The following PAM variants were observed in gnomAD, a reference collection of about 807,000 sequenced individuals.
PAM encodes the protein peptidyl-glycine alpha-amidating monooxygenase.
PAM carries 72 observed loss-of-function variants against 122.1 expected under a neutral mutation model. That is an observed-to-expected ratio of 0.59 (90% CI 0.49 to 0.72). The LOEUF is 0.72. Ranked by LOEUF, PAM falls within the 30% of genes least tolerant of loss-of-function variation. The probability of loss-of-function intolerance (pLI) is 0.00; values close to 1 mark genes in which losing one functional copy is unlikely to be tolerated. For synonymous variants in PAM, 389 were observed against 404.4 expected, an observed-to-expected ratio of 0.96 and a Z score of 0.46; for missense variants, 1,106 against 1,183.7, an observed-to-expected ratio of 0.93 and a Z score of 0.96.
Position 102,867,293 on chromosome 5 carries a change from C to T in PAM, c.110C>T (p.Pro37Leu). ...VFKRFKETTR[P>L]FSNECLGTTR... ...TTAAGGTTTAAAGAAACTACCAGAC[C>T]ATTTTCCAATGAATGTCTTGGTACC... Residue 37 changes from proline to leucine, a missense_variant, in exon 3 of 26, where the codon CCA becomes CTA. Coordinates refer to ENST00000438793, the MANE Select transcript of PAM (RefSeq NM_001177306.2). 3.1e-6 allele frequency: 5 copies of T among 1,603,030 alleles called. No individual in the cohort carries two copies. The highest frequency in any genetic ancestry group is 4.3e-6 in the Non-Finnish European group (5 of 1,170,402).
intron 3 of PAM, chr5:102,873,865 T>A (rs914478653): frequency 4.6e-5 from 7 of 152,014 alleles, no homozygotes; most frequent in African/African-American, 1.4e-4. Context: ...TTTTCTTCTA[T>A]TTTTTTTCTC....
chr5:102,925,081 C>A (rs1748963653), intron 6 of PAM, 39 bp downstream of exon 6: 1 of 974,330 alleles, frequency 1.0e-6, no homozygotes, highest in East Asian at 2.4e-5. Flanking sequence ...TGTTCAGCTG[C>A]TTAATTTCTG....
At chr5:102,771,202 A>C (rs1001439672) in intron 1 of PAM, among the ~76,000 whole-genome samples, 4 of 152,074 alleles carry the variant, frequency 2.6e-5, no homozygotes, top group African/African-American at 9.7e-5. Context: ...GTAAATTTAA[A>C]ACCTTTATTT....
chr5:102,840,729 A>G (rs1475076661), intron 1 of PAM, among the ~76,000 whole-genome samples: 1 of 152,188 alleles, frequency 6.6e-6, no homozygotes, highest in Admixed American at 6.5e-5. Context: ...TCATGGTCCA[A>G]TACAGCTGTT....
intron 13 of PAM, 93 bp from the exon 14 acceptor site, chr5:102,961,065 G>A: frequency 2.9e-6 from 2 of 684,870 alleles, no homozygotes; most frequent in East Asian, 2.7e-5. Flanking sequence ...ACCCTGAATA[G>A]TATTTTTATG....
intron 3 of PAM, among the ~76,000 whole-genome samples, chr5:102,882,055 ATATATATATATATATATATATATATATAT>A: frequency 4.9e-4 from 1 of 2,060 alleles, no homozygotes; most frequent in African/African-American, 2.9e-3. Flanking sequence ...ATCGTGGAAT[ATATATATATATATATATATATATATATAT>A]ATATATATAT....
intron 1 of PAM, among the ~76,000 whole-genome samples, chr5:102,806,029 G>T (rs916420970): frequency 6.6e-6 from 1 of 152,084 alleles, no homozygotes; most frequent in African/African-American, 2.4e-5. Flanking sequence ...TTTCGGATGT[G>T]CTCTTTTTGA....
intron 14 of PAM, among the ~76,000 whole-genome samples, chr5:102,963,212 G>T (rs1277504478): frequency 6.6e-6 from 1 of 151,826 alleles, no homozygotes; most frequent in Admixed American, 6.6e-5. Flanking sequence ...AATTAAAAGA[G>T]AAATACAGAA....
intron 24 of PAM, among the ~76,000 whole-genome samples, chr5:103,027,641 T>C (rs1407042585): frequency 2.6e-5 from 4 of 152,198 alleles, no homozygotes; most frequent in African/African-American, 9.6e-5. Flanking sequence ...CCTTCACTTA[T>C]GTCTTACATA....
At position 102,959,998 on chromosome 5, in the gene PAM, A is replaced by C; in HGVS notation, c.1029A>C (p.Pro343=). 1 of 1,612,366 alleles carries C rather than the reference A, an allele frequency of 6.2e-7. No individual in the cohort carries two copies. Among genetic ancestry groups the C allele is most frequent in the Non-Finnish European group, 8.5e-7 (1 of 1,178,594 alleles). ...VAPDMFRTIP[P]EANIPIPVKS... is the part of the protein sequence containing the mutation. ...CAGATATGTTCAGAACCATACCACC[A>C]GAGGCCAACATTCCAATTCCCGTGA... The change falls in exon 13 of 26, where the codon CCA becomes CCC. Residue 343 remains proline (P), a synonymous_variant. Coordinates refer to ENST00000438793, the MANE Select transcript of PAM (RefSeq NM_001177306.2).
intron 1 of PAM, among the ~76,000 whole-genome samples, chr5:102,864,808 T>C (rs1785077519): frequency 6.6e-6 from 1 of 152,250 alleles, no homozygotes; most frequent in African/African-American, 2.4e-5. Context: ...GGAAGTACAG[T>C]ATTTTTATAT....
chr5:102,961,218 T>C lies in PAM; in HGVS notation c.1151T>C (p.Val384Ala), dbSNP rs371496728. 3.9e-6 allele frequency: 6 copies of C among 1,553,132 alleles called. No homozygotes were observed. In the Admixed American group the frequency reaches 8.4e-5, roughly 22 times the overall value. The change falls in exon 14 of 26, where the codon GTG becomes GCG. Residue 384 changes from valine (V) to alanine (A), a missense_variant. Around this residue, in one of 3 missense-constraint regions of PAM, gnomAD observed 670 missense variants for 690.3 expected, o/e 0.97. Coordinates refer to ENST00000438793, the MANE Select transcript of PAM (RefSeq NM_001177306.2). ...LQQPKREEEE[V>A]LDQGDFYSLL... ...CAGCCAAAACGAGAAGAAGAAGAAG[T>C]GTTAGACCAGGGTATGTATGCTTAT...
At chr5:102,961,341 A>G (rs182689723) in intron 14 of PAM, 112 bp downstream of exon 14, 13 of 633,390 alleles carry the variant, frequency 2.1e-5, no homozygotes, top group African/African-American at 1.5e-4. Context: ...TGCCTCAAAC[A>G]CTATGTATTG....
chr5:102,886,605 G>A (rs1178641900), intron 3 of PAM, among the ~76,000 whole-genome samples: 3 of 151,944 alleles, frequency 2.0e-5, no homozygotes, highest in Admixed American at 2.0e-4. Flanking sequence ...ACAGTGATCT[G>A]ATCTGAGCAC....
At chr5:102,853,670 CA>C (rs1291179139) in intron 1 of PAM, among the ~76,000 whole-genome samples, 1 of 152,172 alleles carries the variant, frequency 6.6e-6, no homozygotes, top group Non-Finnish European at 1.5e-5. Context: ...TCTATTTAGA[CA>C]GGGGGAACCA....
At position 102,987,591 on chromosome 5, in the gene PAM, C is replaced by A. The variant is rs114937041; in HGVS notation, c.1484-2681C>A. ...TTCAAGGTGATGTATATTCTAAATA[C>A]CCTGATTTGATCATGCTTGTATCAA... is the stretch of plus-strand genomic sequence containing the variant. On this transcript the variant is annotated intron_variant, in intron 15 of 25. Coordinates refer to ENST00000438793, the MANE Select transcript of PAM (RefSeq NM_001177306.2). The A allele has an allele frequency of 7.4e-3, 3,345 of 450,348 alleles. 23 individuals are homozygous for A. The highest frequency in any genetic ancestry group is 0.013 in the Non-Finnish European group (2,840 of 224,924). 27.9% of individuals were successfully genotyped at this position (450,348 alleles called of 1,614,324 possible).
chr5:102,772,889 A>G (rs780919084), intron 1 of PAM, among the ~76,000 whole-genome samples: 1 of 152,104 alleles, frequency 6.6e-6, no homozygotes, highest in Non-Finnish European at 1.5e-5. Context: ...AGATTTTCAA[A>G]TATCTGGAGT....
chr5:102,866,214 A>G lies in PAM; in HGVS notation c.19A>G (p.Ser7Gly), dbSNP rs1423603194. The change falls in exon 2 of 26, where the codon AGC becomes GGC. Residue 7 changes from serine to glycine, a missense_variant. Physicochemically the swap from Ser to Gly is moderately conservative, Grantham distance 56. Around this residue, in one of 3 missense-constraint regions of PAM, gnomAD observed 670 missense variants for 690.3 expected, o/e 0.97. Coordinates refer to ENST00000438793, the MANE Select transcript of PAM (RefSeq NM_001177306.2). MAGRVPSLLVLLVFPSS... is the reference protein window; with the variant it reads MAGRVPGLLVLLVFPSS... ...CGTGGACATGGCTGGCCGCGTCCCT[A>G]GCCTGCTAGTTCTCCTTGTTTTTCC... 2 of 1,613,198 alleles carry G rather than the reference A, an allele frequency of 1.2e-6. No homozygotes were observed. The highest frequency in any genetic ancestry group is 2.2e-5 in the East Asian group (1 of 44,858).
intron 4 of PAM, among the ~76,000 whole-genome samples, chr5:102,912,179 A>G (rs1242147912): frequency 2.0e-5 from 3 of 152,006 alleles, no homozygotes; most frequent in Non-Finnish European, 4.4e-5. Flanking sequence ...TAGGAAATTT[A>G]TCCACCCATA....
Sources: allele counts gnomAD v4.1 joint callset (sites outside exome capture counted in the v4.1 genomes callset), GRCh38; gene constraint gnomAD v4.1.1; regional missense constraint gnomAD v4.1.1; transcripts MANE v1.5; gene names NCBI Gene and HGNC (gene_info 2026-07-23, HGNC 2026-07-21).